SGCZ: variants seen among roughly 807,000 people sequenced by gnomAD.
SGCZ encodes sarcoglycan zeta, also known as zeta-sarcoglycan.
SGCZ carries 40 observed loss-of-function variants against 41.3 expected under a neutral mutation model. That is an observed-to-expected ratio of 0.97 (90% CI 0.75 to 1.26). The LOEUF is 1.26. SGCZ is among the 50% of genes most tolerant of loss of function. The pLI, the probability that SGCZ is intolerant of heterozygous loss-of-function variation, is 0.00. For synonymous variants in SGCZ, 206 were observed against 137.5 expected (o/e 1.50, Z -3.49); for missense variants, 552 against 369.8 (o/e 1.49, Z -4.04).
At chr8:14,533,951 A>C (rs1446322590) in intron 2 of SGCZ, among the ~76,000 whole-genome samples, 1 of 151,982 alleles carries the variant, frequency 6.6e-6, no homozygotes, top group Non-Finnish European at 1.5e-5. Context: ...AGCATAATGA[A>C]GAAAGACAGC....
At chr8:14,339,944 G>C (rs1802644904) in intron 2 of SGCZ, among the ~76,000 whole-genome samples, 1 of 152,056 alleles carries the variant, frequency 6.6e-6, no homozygotes, top group South Asian at 2.1e-4. Context: ...AAAATGAAAT[G>C]AAAGAATGAA....
Position 14,108,167 on chromosome 8 carries a change from G to C in SGCZ, c.616C>G (p.Leu206Val), listed in dbSNP as rs748629706. The C allele has an allele frequency of 9.3e-6, 15 of 1,613,946 alleles. No homozygotes were observed. The highest frequency in any genetic ancestry group is 1.1e-5 in the Non-Finnish European group (13 of 1,179,970). Residue 206 changes from leucine to valine, a missense_variant, in exon 6 of 8, where the codon CTC (leucine) becomes GTC (valine). By Grantham distance (32) the Leu-to-Val change is conservative (BLOSUM62 1). Transcript: ENST00000382080. ...PHIRAEPSQD[L>V]RLESPTRSLI... Reference sequence around the variant, plus strand: ...GGTATAAGAGGAAGCCCTTACCTGAGATCTTGGGATGGCTCTGCTCTGATG... The same window carrying C: ...GGTATAAGAGGAAGCCCTTACCTGACATCTTGGGATGGCTCTGCTCTGATG...
chr8:14,630,405 G>T (rs7823106), intron 1 of SGCZ, among the ~76,000 whole-genome samples: 2 of 151,690 alleles, frequency 1.3e-5, no homozygotes, highest in African/African-American at 4.8e-5. Flanking sequence ...GAAATAGGAA[G>T]ATTTTTACAC....
At chr8:14,281,163 G>C (rs1800420263) in intron 3 of SGCZ, among the ~76,000 whole-genome samples, 2 of 151,836 alleles carry the variant, frequency 1.3e-5, no homozygotes, top group African/African-American at 4.8e-5. Context: ...ATGAATTCAA[G>C]ATACTCATTT....
chr8:14,619,952 A>G (rs1192109968), intron 1 of SGCZ, among the ~76,000 whole-genome samples: 1 of 152,196 alleles, frequency 6.6e-6, no homozygotes, highest in African/African-American at 2.4e-5. Flanking sequence ...TAAAGTTCAT[A>G]TGGAACCAAA....
rs146224118 is a variant in SGCZ, at chr8:14,457,332, C to T, written c.234+97400G>A. ...AGAGGGCTCCTTGGTCTAGCGGTGA[C>T]GCCAGCGTCTGGGAAGATGCCTGTT... On this transcript the variant is annotated intron_variant, in intron 2 of 7. Coordinates refer to ENST00000382080, the MANE Select transcript of SGCZ (RefSeq NM_139167.4). Among the ~76,000 whole-genome samples the T allele has an allele frequency of 7.2e-5, 11 of 152,246 alleles. 1 individual carries two copies. Among genetic ancestry groups the T allele is most frequent in the East Asian group, 3.9e-4 (2 of 5,148 alleles).
chr8:14,411,647 C>T (rs1053987966), intron 2 of SGCZ, among the ~76,000 whole-genome samples: 29 of 152,028 alleles, frequency 1.9e-4, no homozygotes, highest in African/African-American at 7.0e-4. Context: ...TACCCACCAC[C>T]TAATAAAATG....
chr8:15,012,053 C>A (rs949483020), intron 1 of SGCZ, among the ~76,000 whole-genome samples: 12 of 152,152 alleles, frequency 7.9e-5, no homozygotes, highest in African/African-American at 2.9e-4. Context: ...TACTCAATCG[C>A]ATTATTGCAA....
At chr8:15,014,310 C>A (rs1290500765) in intron 1 of SGCZ, among the ~76,000 whole-genome samples, 3 of 152,170 alleles carry the variant, frequency 2.0e-5, no homozygotes, top group African/African-American at 4.8e-5. Flanking sequence ...TGTCAGCCCC[C>A]CAAGGCATTG....
chr8:14,714,740 AAAAT>A (rs1186948787), intron 1 of SGCZ, among the ~76,000 whole-genome samples: 1 of 152,208 alleles, frequency 6.6e-6, no homozygotes, highest in Non-Finnish European at 1.5e-5. Context: ...AAAAAAATTA[AAAAT>A]AAATAAGCAA....
chr8:15,198,113 A>T (rs268369), intron 1 of SGCZ, among the ~76,000 whole-genome samples: 139,263 of 149,678 alleles, frequency 0.93, 65,038 homozygotes, highest in Non-Finnish European at 0.97. Context: ...TAATGATATA[A>T]TTATGTGTCA....
At chr8:14,440,389 T>G (rs2117365520) in intron 2 of SGCZ, among the ~76,000 whole-genome samples, 1 of 152,236 alleles carries the variant, frequency 6.6e-6, no homozygotes, top group Non-Finnish European at 1.5e-5. Flanking sequence ...AAAACAAAAA[T>G]AAAGTGGTCT....
intron 1 of SGCZ, among the ~76,000 whole-genome samples, chr8:14,859,841 A>C (rs1326926139): frequency 6.6e-6 from 1 of 152,212 alleles, no homozygotes; most frequent in East Asian, 1.9e-4. Context: ...TTTTTAATTT[A>C]CTATTGTACC....
In SGCZ at chr8:14,577,512, C is replaced by T. The variant is rs550869697; in HGVS notation, c.40-22586G>A. On this transcript the variant is annotated intron_variant, in intron 1 of 7. Transcript: ENST00000382080. ...CAAGCAATTCTCCTGTCTCAGCCTC[C>T]GAGTAGCTGGGACTATAGGTGCATC... Among the ~76,000 whole-genome samples the T allele has an allele frequency of 1.6e-3, 248 of 151,586 alleles. 1 individual carries two copies. Among genetic ancestry groups the T allele is most frequent in the African/African-American group, 5.1e-3 (210 of 41,278 alleles).
intron 4 of SGCZ, among the ~76,000 whole-genome samples, chr8:14,177,950 T>TTTTTTTTCTTTTCTG (rs1285457547): frequency 3.7e-4 from 25 of 67,292 alleles, no homozygotes; most frequent in Middle Eastern, 9.1e-3. Context: ...CTTCTTTTCT[T>TTTTTTTTCTTTTCTG]TTTTTTTCTT....
chr8:14,287,978 T>A (rs952790615), intron 3 of SGCZ, among the ~76,000 whole-genome samples: 2 of 152,162 alleles, frequency 1.3e-5, no homozygotes, highest in African/African-American at 4.8e-5. Context: ...GTTTGTTAGC[T>A]ATTTATTTTT....
intron 1 of SGCZ, among the ~76,000 whole-genome samples, chr8:14,607,257 A>G (rs1486650659): frequency 6.6e-6 from 1 of 152,204 alleles, no homozygotes. Flanking sequence ...GGTCATCCCC[A>G]TATATTTGGC....
intron 1 of SGCZ, among the ~76,000 whole-genome samples, chr8:14,791,037 A>G (rs1800934629): frequency 6.6e-6 from 1 of 151,830 alleles, no homozygotes; most frequent in South Asian, 2.1e-4. Context: ...TCTCAAAAAA[A>G]AAAGAAAAAA....
At chr8:14,302,343 T>G (rs1288981128) in intron 3 of SGCZ, among the ~76,000 whole-genome samples, 1 of 152,174 alleles carries the variant, frequency 6.6e-6, no homozygotes, top group Non-Finnish European at 1.5e-5. Context: ...TTATATAGGT[T>G]TACTTTTTCT....
Sources: gnomAD v4.1 joint callset for allele counts (sites outside exome capture counted in the v4.1 genomes callset) on GRCh38, gnomAD v4.1.1 for gene constraint, MANE v1.5 for transcripts, NCBI Gene and HGNC (gene_info 2026-07-23, HGNC 2026-07-21) for gene names.